The following CCDC148 variants were observed in gnomAD, a reference collection of about 807,000 sequenced individuals.
CCDC148 encodes the protein coiled-coil domain containing 148, also known as coiled-coil domain-containing protein 148.
A neutral mutation model predicts 85.7 loss-of-function variants in CCDC148; 89 were observed. That is an observed-to-expected ratio of 1.04 (90% CI 0.87 to 1.24). The LOEUF (loss-of-function observed/expected upper bound fraction) is 1.24, where lower values mean the gene tolerates loss of function less well. Among genes scored for constraint, CCDC148 ranks in the 50% most tolerant of loss-of-function variants. CCDC148 has a pLI of 0.00. For missense variants in CCDC148, 692 were observed against 671.7 expected, an observed-to-expected ratio of 1.03 and a Z score of -0.33; for synonymous variants, 230 against 213.9, an observed-to-expected ratio of 1.08 and a Z score of -0.66.
chr2:158,178,193 C>T (rs2105260265), intron 12 of CCDC148: 2 of 152,150 alleles, frequency 1.3e-5, no homozygotes, highest in East Asian at 3.9e-4. Flanking sequence ...TTCCCTCCAG[C>T]AACACAGGAG....
chr2:158,178,848 C>T, intron 12 of CCDC148, 31 bp downstream of exon 12: 1 of 1,473,354 alleles, frequency 6.8e-7, no homozygotes, highest in Non-Finnish European at 9.4e-7. Context: ...TTTAAAAAAA[C>T]CACCCATGAA....
chr2:158,203,540 G>A, intron 11 of CCDC148, among the ~76,000 whole-genome samples: 1 of 151,966 alleles, frequency 6.6e-6, no homozygotes, highest in East Asian at 1.9e-4. Flanking sequence ...TTATAGGGAT[G>A]GAGACAGATA....
At chr2:158,290,453 A>G (rs1690836095) in intron 9 of CCDC148, among the ~76,000 whole-genome samples, 2 of 152,096 alleles carry the variant, frequency 1.3e-5, no homozygotes, top group Non-Finnish European at 2.9e-5. Context: ...ACACTGTTCT[A>G]ATTGCTGTTC....
chr2:158,286,260 A>T (rs1428413693), intron 9 of CCDC148, among the ~76,000 whole-genome samples: 1 of 152,208 alleles, frequency 6.6e-6, no homozygotes, highest in African/African-American at 2.4e-5. Context: ...TCTGCAAAGA[A>T]ACAATAAAAC....
intron 1 of CCDC148, among the ~76,000 whole-genome samples, chr2:158,365,813 AG>A (rs1432267182): frequency 6.6e-6 from 1 of 152,216 alleles, no homozygotes; most frequent in African/African-American, 2.4e-5. Flanking sequence ...AATAAAAAAA[AG>A]GAAGAAAGCA....
intron 9 of CCDC148, among the ~76,000 whole-genome samples, chr2:158,294,499 G>A (rs984088614): frequency 1.3e-5 from 2 of 152,050 alleles, no homozygotes; most frequent in Admixed American, 6.6e-5. Context: ...ATAAGGAACT[G>A]CCAAAACAAG....
intron 10 of CCDC148, among the ~76,000 whole-genome samples, chr2:158,246,559 G>C (rs916983241): frequency 1.3e-5 from 2 of 152,100 alleles, no homozygotes; most frequent in Non-Finnish European, 2.9e-5. Context: ...AGAGAGAGCT[G>C]AAGCCTAAGG....
chr2:158,444,931 G>A (rs1688099027), intron 1 of CCDC148, among the ~76,000 whole-genome samples: 1 of 151,274 alleles, frequency 6.6e-6, no homozygotes, highest in Non-Finnish European at 1.5e-5. Context: ...GAAACAAAAA[G>A]TTAATGTAAA....
intron 9 of CCDC148, among the ~76,000 whole-genome samples, chr2:158,274,439 A>G (rs942397295): frequency 6.6e-6 from 1 of 152,224 alleles, no homozygotes; most frequent in African/African-American, 2.4e-5. Context: ...TGTGTTAAAC[A>G]TAGGTGCAAG....
At chr2:158,436,321 A>T (rs1038211080) in intron 1 of CCDC148, among the ~76,000 whole-genome samples, 8 of 152,308 alleles carry the variant, frequency 5.3e-5, no homozygotes, top group South Asian at 2.1e-4. Context: ...GGATTAAGAA[A>T]CTCACTCAAA....
intron 11 of CCDC148, 124 bp from the exon 12 acceptor site, chr2:158,179,120 TG>T: frequency 1.8e-6 from 1 of 558,540 alleles, no homozygotes; most frequent in South Asian, 2.9e-5. Flanking sequence ...TTTTTTTTAC[TG>T]ATTTCTCAAG....
chr2:158,298,268 A>G (rs1691285703), intron 9 of CCDC148, among the ~76,000 whole-genome samples: 1 of 152,158 alleles, frequency 6.6e-6, no homozygotes, highest in African/African-American at 2.4e-5. Context: ...GGGTAGGGAT[A>G]CAGCCAAACC....
In CCDC148 at chr2:158,178,862, T is replaced by A. The variant is rs1684725936; in HGVS notation, c.1488+17A>T. ...TTTTAAAAAAACCACCCATGAAAAT[T>A]TCCAAATGAAAAACACCTGTTTCCT... On this transcript the variant is annotated intron_variant, in intron 12 of 13. Transcript: ENST00000283233. 1.9e-6 allele frequency: 3 copies of A among 1,572,562 alleles called. No homozygotes were observed. In the African/African-American group the frequency reaches 4.1e-5, roughly 21 times the overall value.
intron 10 of CCDC148, among the ~76,000 whole-genome samples, chr2:158,222,265 A>G (rs939751333): frequency 4.6e-5 from 7 of 152,226 alleles, no homozygotes; most frequent in African/African-American, 1.4e-4. Context: ...TTCCTTGACC[A>G]CAAGCAGAGC....
chr2:158,221,629 G>T (rs9288708), intron 10 of CCDC148, among the ~76,000 whole-genome samples: 3,579 of 152,194 alleles, frequency 0.024, 121 homozygotes, highest in African/African-American at 0.077. Flanking sequence ...CTGAGACAGA[G>T]GTGAATAGGA....
chr2:158,447,588 G>A (rs1688213569), intron 1 of CCDC148: 1 of 152,044 alleles, frequency 6.6e-6, no homozygotes. Context: ...TCAATTTTTG[G>A]TTTATAACCA....
chr2:158,392,807 TATAAG>T (rs1685370414), intron 1 of CCDC148, among the ~76,000 whole-genome samples: 1 of 152,154 alleles, frequency 6.6e-6, no homozygotes, highest in African/African-American at 2.4e-5. Flanking sequence ...TTAAATCTTC[TATAAG>T]ATGTTACTGG....
chr2:158,412,082 C>T (rs1686285792), intron 1 of CCDC148, among the ~76,000 whole-genome samples: 1 of 152,080 alleles, frequency 6.6e-6, no homozygotes, highest in South Asian at 2.1e-4. Flanking sequence ...CTGTGGGGAT[C>T]CTTGGCTGAA....
chr2:158,288,629 A>G (rs4452093), intron 9 of CCDC148: 163,814 of 179,088 alleles, frequency 0.91, 75,047 homozygotes, highest in East Asian at 0.98. Flanking sequence ...TTTTGTCAAA[A>G]CCATTCAAAA....
Sources: gnomAD v4.1 joint callset for allele counts (sites outside exome capture counted in the v4.1 genomes callset) on GRCh38, gnomAD v4.1.1 for gene constraint, MANE v1.5 for transcripts, NCBI Gene and HGNC (gene_info 2026-07-23, HGNC 2026-07-21) for gene names.